The following JAK1 variants were observed in gnomAD, a reference collection of about 807,000 sequenced individuals.
The protein encoded by JAK1 is tyrosine-protein kinase JAK1.
JAK1 carries 16 observed loss-of-function variants against 136.6 expected under a neutral mutation model. The ratio of observed to expected loss-of-function variants is 0.12; its 90% CI spans 0.08 to 0.18. The LOEUF is 0.18. JAK1 is among the 10% of genes least tolerant of loss of function. The pLI is 1.00. For synonymous variants in JAK1, 492 were observed against 519.5 expected, an observed-to-expected ratio of 0.95 and a Z score of 0.72; for missense variants, 859 against 1,450.1, an observed-to-expected ratio of 0.59 and a Z score of 6.62.
intron 1 of JAK1, among the ~76,000 whole-genome samples, chr1:64,916,508 T>A (rs1219285693): frequency 6.6e-6 from 1 of 152,078 alleles, no homozygotes; most frequent in African/African-American, 2.4e-5. Flanking sequence ...GTAAATAATA[T>A]CTTAATTTTC....
intron 1 of JAK1, among the ~76,000 whole-genome samples, chr1:64,893,673 C>G (rs577018433): frequency 1.4e-4 from 21 of 152,122 alleles, no homozygotes; most frequent in African/African-American, 4.8e-4. Context: ...TGTGAGTATG[C>G]GCAAGGCTTT....
rs181539924 is a variant in JAK1, at chr1:64,877,015, A to T, written c.329+2010T>A. 5.9e-5 allele frequency among the ~76,000 whole-genome samples: 9 copies of T among 152,328 alleles called. 1 individual carries two copies. In the East Asian group the frequency reaches 1.7e-3, roughly 29 times the overall value. ...AGCAAGAAAATATTTTTTGAAAAGG[A>T]ATACAGAATATGGTTGTCTTATGCT... On this transcript the variant is annotated intron_variant, in intron 4 of 24. Transcript: ENST00000342505.
chr1:65,067,434 G>A (rs1309729321), intron 1 of JAK1, among the ~76,000 whole-genome samples: 1 of 148,214 alleles, frequency 6.7e-6, no homozygotes, highest in Non-Finnish European at 1.5e-5. Flanking sequence ...AGACGGGGCC[G>A]GGAGCGCAGC....
chr1:64,908,341 C>T lies in JAK1; in HGVS notation c.-77-22000G>A, dbSNP rs529970555. ...TCTATTCAGCTCTATCCTTATTCATCTCAACATGATATGGGGCTCTCTACT... is the reference window on the plus strand; with the variant it reads ...TCTATTCAGCTCTATCCTTATTCATTTCAACATGATATGGGGCTCTCTACT... On this transcript the variant is annotated intron_variant, in intron 1 of 24. Transcript: ENST00000342505. Among the ~76,000 whole-genome samples the T allele has an allele frequency of 7.2e-5, 11 of 152,314 alleles. No homozygotes were observed. In the South Asian group the frequency reaches 1.9e-3, roughly 26 times the overall value.
At chr1:64,919,894 G>C (rs1054587241) in intron 1 of JAK1, among the ~76,000 whole-genome samples, 2 of 151,844 alleles carry the variant, frequency 1.3e-5, no homozygotes, top group African/African-American at 4.8e-5. Flanking sequence ...GGACAGAGTC[G>C]GGTTCTTGGA....
chr1:64,959,905 T>A lies in JAK1; in HGVS notation c.-78+6428A>T, dbSNP rs191497801. ...CTGAATATAATTTGAGGGTTTTTTT[T>A]AAAATACACATCCTATTTATCAATC... On this transcript the variant is annotated intron_variant, in intron 1 of 24. Transcript: ENST00000342505. Among the ~76,000 whole-genome samples the A allele has an allele frequency of 3.3e-4, 51 of 152,314 alleles. No individual in the cohort carries two copies. In the East Asian group the frequency reaches 8.3e-3, roughly 25 times the overall value.
intron 1 of JAK1, among the ~76,000 whole-genome samples, chr1:64,960,877 AC>A (rs1171656776): frequency 3.3e-5 from 5 of 152,176 alleles, no homozygotes; most frequent in Admixed American, 1.3e-4. Flanking sequence ...GATGATCATT[AC>A]CAATACCAAA....
intron 2 of JAK1, among the ~76,000 whole-genome samples, chr1:65,016,200 T>C (rs1211231196): frequency 6.6e-6 from 1 of 152,174 alleles, no homozygotes; most frequent in Non-Finnish European, 1.5e-5. Context: ...AGAAGGGACC[T>C]GGGGAGTTTT....
At position 64,833,428 on chromosome 1, in the gene JAK1, A is replaced by G. The variant is rs573895509; in HGVS notation, c.*1134T>C. The G allele has an allele frequency of 5.2e-5, 12 of 232,996 alleles. No homozygotes were observed. The South Asian group carries it at 2.2e-3, about 42-fold the overall frequency. The allele number at this position is 232,996 out of a possible 1,614,324, so 14.4% of individuals were successfully genotyped here. On this transcript the variant is annotated 3_prime_UTR_variant, in exon 25 of 25. Transcript: ENST00000342505. ...TCAAACGAATACTAAACAGCATAAC[A>G]AAAAGATTTTCAGACTCTTGGTCAT... is the stretch of plus-strand genomic sequence containing the variant.
At chr1:64,848,014 C>T (rs978216045) in intron 12 of JAK1, 1 of 218,244 alleles carries the variant, frequency 4.6e-6, no homozygotes, top group Non-Finnish European at 9.0e-6. Context: ...TGGGTCCCAC[C>T]CCAGGCCTCC....
intron 1 of JAK1, among the ~76,000 whole-genome samples, chr1:64,940,812 A>G (rs1465954306): frequency 3.3e-5 from 5 of 152,338 alleles, no homozygotes; most frequent in African/African-American, 1.2e-4. Context: ...AACTGTATTC[A>G]GTCGCTTCAG....
chr1:64,893,977 T>C (rs1401165930), intron 1 of JAK1, among the ~76,000 whole-genome samples: 1 of 152,234 alleles, frequency 6.6e-6, no homozygotes, highest in Admixed American at 6.5e-5. Flanking sequence ...TGTCACATAC[T>C]AAGTTCATTT....
chr1:64,850,690 T>C, intron 12 of JAK1, 114 bp downstream of exon 12: 1 of 719,648 alleles, frequency 1.4e-6, no homozygotes, highest in Non-Finnish European at 2.5e-6. Context: ...GTCTCCCTGT[T>C]CTTTTTCTAC....
At chr1:65,012,672 G>C (rs1380325313) in intron 2 of JAK1, among the ~76,000 whole-genome samples, 1 of 151,832 alleles carries the variant, frequency 6.6e-6, no homozygotes, top group Non-Finnish European at 1.5e-5. Context: ...TGCACCTGTG[G>C]CCCCAGCTAC....
At chr1:65,058,966 G>A (rs972577124) in intron 1 of JAK1, among the ~76,000 whole-genome samples, 3 of 152,132 alleles carry the variant, frequency 2.0e-5, no homozygotes, top group African/African-American at 7.2e-5. Context: ...TGTCTTCAAA[G>A]TGCTCATAAC....
At chr1:64,928,792 A>AAC (rs1553170030) in intron 1 of JAK1, among the ~76,000 whole-genome samples, 18 of 125,556 alleles carry the variant, frequency 1.4e-4, no homozygotes, top group East Asian at 9.6e-4. Context: ...AAAAAAAAAA[A>AAC]AAAACAAAAA....
chr1:65,018,555 T>TTGTAC (rs1353387779), intron 2 of JAK1, among the ~76,000 whole-genome samples: 2 of 151,710 alleles, frequency 1.3e-5, no homozygotes, highest in African/African-American at 4.8e-5. Context: ...ACTCCAGATG[T>TTGTAC]TGTACACACT....
intron 1 of JAK1, among the ~76,000 whole-genome samples, chr1:64,908,745 C>T (rs1178688376): frequency 2.0e-5 from 3 of 152,002 alleles, no homozygotes; most frequent in Non-Finnish European, 2.9e-5. Flanking sequence ...AACATACACA[C>T]ACACACACAC....
chr1:65,042,402 T>A (rs1421068085), intron 2 of JAK1, among the ~76,000 whole-genome samples: 1 of 140,466 alleles, frequency 7.1e-6, no homozygotes, highest in Non-Finnish European at 1.5e-5. Context: ...CAGGCACTCT[T>A]ATTTAACACA....
Sources: allele counts gnomAD v4.1 joint callset (sites outside exome capture counted in the v4.1 genomes callset), GRCh38; gene constraint gnomAD v4.1.1; transcripts MANE v1.5; gene names NCBI Gene and HGNC (gene_info 2026-07-23, HGNC 2026-07-21).